The following KHDRBS2 variants were observed in gnomAD, a reference collection of about 807,000 sequenced individuals.
KHDRBS2 encodes the protein KH RNA binding domain containing, signal transduction associated 2.
A neutral mutation model predicts 44.3 loss-of-function variants in KHDRBS2; 26 were observed. The observed-to-expected ratio is 0.59, with a 90% CI of 0.43 to 0.81. The LOEUF (loss-of-function observed/expected upper bound fraction) is 0.81, where lower values mean the gene tolerates loss of function less well. Ranked by LOEUF, KHDRBS2 falls within the 40% of genes least tolerant of loss-of-function variation. KHDRBS2 has a pLI of 0.00. For synonymous variants in KHDRBS2, 194 were observed against 151.1 expected, an observed-to-expected ratio of 1.28 and a Z score of -2.08; for missense variants, 476 against 433.1, an observed-to-expected ratio of 1.10 and a Z score of -0.88.
the KHDRBS2 span, among the ~76,000 whole-genome samples, chr6:61,557,756 A>G: frequency 6.6e-6 from 1 of 152,146 alleles, no homozygotes; most frequent in Non-Finnish European, 1.5e-5. Context: ...TCAGCAGTGA[A>G]GCTATTGGGT....
intron 6 of KHDRBS2, among the ~76,000 whole-genome samples, chr6:61,779,315 GA>G (rs1782581310): frequency 6.6e-6 from 1 of 152,010 alleles, no homozygotes; most frequent in African/African-American, 2.4e-5. Context: ...ATAACCCATG[GA>G]GTTTCTATGG....
the KHDRBS2 span, among the ~76,000 whole-genome samples, chr6:61,594,501 A>C: frequency 6.6e-6 from 1 of 152,118 alleles, no homozygotes; most frequent in Non-Finnish European, 1.5e-5. Context: ...TTAGGAAAAA[A>C]AGCATCAGAA....
intron 2 of KHDRBS2, among the ~76,000 whole-genome samples, chr6:62,080,338 T>C (rs1797155695): frequency 1.3e-5 from 2 of 152,072 alleles, no homozygotes; most frequent in Admixed American, 1.3e-4. Flanking sequence ...AGTGCCAAAA[T>C]GGAGGTATTG....
chr6:61,776,809 A>AATCG, intron 6 of KHDRBS2, among the ~76,000 whole-genome samples: 1 of 152,306 alleles, frequency 6.6e-6, no homozygotes, highest in East Asian at 1.9e-4. Context: ...AAGGACTATA[A>AATCG]ATCGTGCTGC....
At chr6:61,833,881 T>C (rs1792231113) in intron 6 of KHDRBS2, among the ~76,000 whole-genome samples, 1 of 152,152 alleles carries the variant, frequency 6.6e-6, no homozygotes, top group Admixed American at 6.6e-5. Flanking sequence ...TCTGTTTGCC[T>C]CTCTTCTTCC....
At chr6:61,881,400 T>A (rs1800190848) in intron 6 of KHDRBS2, among the ~76,000 whole-genome samples, 1 of 152,044 alleles carries the variant, frequency 6.6e-6, no homozygotes, top group African/African-American at 2.4e-5. Context: ...TCAAAATGCA[T>A]GATAGTCTTT....
At position 62,267,930 on chromosome 6, in the gene KHDRBS2, C is replaced by T. The variant is rs561205610; in HGVS notation, c.91+17928G>A. 1.4e-4 allele frequency among the ~76,000 whole-genome samples: 21 copies of T among 151,928 alleles called. No individual in the cohort carries two copies. The East Asian group carries it at 1.7e-3, about 13-fold the overall frequency. On this transcript the variant is annotated intron_variant, in intron 1 of 8. Coordinates refer to ENST00000281156, the MANE Select transcript of KHDRBS2 (RefSeq NM_152688.4). ...ACTATGAAATTGTAAAAACATAAGA[C>T]GAAATCGATATTTATATGTTATCTA...
chr6:62,145,421 A>T (rs971986244), intron 2 of KHDRBS2, among the ~76,000 whole-genome samples: 1 of 151,838 alleles, frequency 6.6e-6, no homozygotes, highest in Non-Finnish European at 1.5e-5. Context: ...TTCCATTCTT[A>T]ATAGAAGTAA....
At chr6:61,716,569 A>T (rs1373762899) in intron 7 of KHDRBS2, among the ~76,000 whole-genome samples, 1 of 151,918 alleles carries the variant, frequency 6.6e-6, no homozygotes, top group Non-Finnish European at 1.5e-5. Flanking sequence ...TTTTAAAAAA[A>T]CCTAGGCTAC....
chr6:61,545,052 C>T, the KHDRBS2 span, among the ~76,000 whole-genome samples: 2 of 151,880 alleles, frequency 1.3e-5, no homozygotes, highest in Non-Finnish European at 2.9e-5. Context: ...GCACGTTGGG[C>T]ACATGTACCC....
intron 6 of KHDRBS2, among the ~76,000 whole-genome samples, chr6:61,762,227 A>G (rs1779367402): frequency 6.6e-6 from 1 of 152,196 alleles, no homozygotes; most frequent in African/African-American, 2.4e-5. Flanking sequence ...TCCATAATTG[A>G]TTCTCAGATA....
rs577724404 is a variant in KHDRBS2, at chr6:61,979,359, A to C, written c.337-1147T>G. On this transcript the variant is annotated intron_variant, in intron 3 of 8. Coordinates refer to ENST00000281156, the MANE Select transcript of KHDRBS2 (RefSeq NM_152688.4). Reference sequence around the variant, plus strand: ...CAGCTACTTCACTAAATTTCAAAAAATAAAACTAAACATGTAATTCTTGGT... The same window carrying C: ...CAGCTACTTCACTAAATTTCAAAAACTAAAACTAAACATGTAATTCTTGGT... 2.0e-5 allele frequency among the ~76,000 whole-genome samples: 3 copies of C among 152,310 alleles called. No individual in the cohort carries two copies. The South Asian group carries it at 6.2e-4, about 32-fold the overall frequency.
chr6:62,184,694 C>T (rs1420326412), intron 1 of KHDRBS2, among the ~76,000 whole-genome samples: 1 of 151,840 alleles, frequency 6.6e-6, no homozygotes, highest in Non-Finnish European at 1.5e-5. Flanking sequence ...TTCTAGGAAG[C>T]TCAAGGCTAA....
intron 2 of KHDRBS2, among the ~76,000 whole-genome samples, chr6:62,171,898 A>T (rs550960464): frequency 2.6e-4 from 39 of 152,298 alleles, no homozygotes; most frequent in African/African-American, 9.1e-4. Flanking sequence ...CATTAATACC[A>T]GACCTGCCTT....
At chr6:61,596,116 C>T in the KHDRBS2 span, among the ~76,000 whole-genome samples, 1 of 152,078 alleles carries the variant, frequency 6.6e-6, no homozygotes, top group Non-Finnish European at 1.5e-5. Flanking sequence ...TCCATGGCCA[C>T]CTGTCCAGAT....
chr6:61,862,702 TACCGCTG>T (rs1797165220), intron 6 of KHDRBS2, among the ~76,000 whole-genome samples: 2 of 152,098 alleles, frequency 1.3e-5, no homozygotes, highest in African/African-American at 4.8e-5. Context: ...TTTTTTGATA[TACCGCTG>T]AATTCAGTTT....
intron 8 of KHDRBS2, among the ~76,000 whole-genome samples, chr6:61,686,139 T>A (rs1056940592): frequency 3.3e-5 from 5 of 151,766 alleles, no homozygotes; most frequent in African/African-American, 9.7e-5. Flanking sequence ...TTTGTCTGTA[T>A]ATCTGAAATA....
At chr6:61,930,634 T>G (rs1194156019) in intron 4 of KHDRBS2, among the ~76,000 whole-genome samples, 3 of 140,756 alleles carry the variant, frequency 2.1e-5, no homozygotes, top group Admixed American at 7.2e-5. Flanking sequence ...GAGGTGGAGG[T>G]TGCAGTGAGC....
At chr6:62,065,761 T>C (rs1393486976) in intron 2 of KHDRBS2, among the ~76,000 whole-genome samples, 1 of 149,748 alleles carries the variant, frequency 6.7e-6, no homozygotes, top group African/African-American at 2.5e-5. Context: ...TGTGCACATG[T>C]ACCCTAAAAC....
Sources: allele counts gnomAD v4.1 joint callset (sites outside exome capture counted in the v4.1 genomes callset), GRCh38; gene constraint gnomAD v4.1.1; transcripts MANE v1.5; gene names NCBI Gene and HGNC (gene_info 2026-07-23, HGNC 2026-07-21).